Variants in INSL6 observed in about 807,000 individuals in gnomAD.
The protein encoded by INSL6 is insulin-like peptide INSL6.
Under a neutral mutation model 9.4 loss-of-function variants are expected in INSL6, and 16 were observed. That is an observed-to-expected ratio of 1.70 (90% CI 1.15 to 2.59). The LOEUF is 2.59. INSL6 is among the 30% of genes most tolerant of loss of function. The pLI, the probability that INSL6 is intolerant of heterozygous loss-of-function variation, is 0.00. For synonymous variants in INSL6, 154 were observed against 96.9 expected (o/e 1.59, Z -3.46); for missense variants, 391 against 257.3 (o/e 1.52, Z -3.56).
the INSL6 span, among the ~76,000 whole-genome samples, chr9:5,047,182 G>A: frequency 6.6e-6 from 1 of 152,026 alleles, no homozygotes; most frequent in Non-Finnish European, 1.5e-5. Context: ...CTCTAAGATT[G>A]TACTGTTATC....
At chr9:5,084,041 G>T in the INSL6 span, among the ~76,000 whole-genome samples, 2 of 151,918 alleles carry the variant, frequency 1.3e-5, no homozygotes, top group East Asian at 1.9e-4. Flanking sequence ...TTGTAATTTT[G>T]AGTTAATGTT....
the INSL6 span, among the ~76,000 whole-genome samples, chr9:5,049,289 C>A: frequency 6.6e-6 from 1 of 152,172 alleles, no homozygotes. Context: ...AGGATCAGGT[C>A]ATTCAAGGGT....
At chr9:5,035,940 T>G in the INSL6 span, among the ~76,000 whole-genome samples, 1 of 152,192 alleles carries the variant, frequency 6.6e-6, no homozygotes, top group Non-Finnish European at 1.5e-5. Flanking sequence ...GAAGTCAAAT[T>G]GTCCCTGTTT....
At chr9:5,084,023 C>A in the INSL6 span, among the ~76,000 whole-genome samples, 2 of 152,030 alleles carry the variant, frequency 1.3e-5, no homozygotes, top group African/African-American at 4.8e-5. Flanking sequence ...TTACAACATT[C>A]CCCTTTATTG....
the INSL6 span, chr9:5,055,022 C>T: frequency 4.9e-5 from 26 of 532,052 alleles, no homozygotes; most frequent in African/African-American, 4.8e-4. Context: ...TAGCGTGAAC[C>T]TATCAAGGTC....
intron 1 of INSL6, among the ~76,000 whole-genome samples, chr9:5,180,873 G>C (rs545609321): frequency 2.0e-5 from 3 of 151,982 alleles, no homozygotes; most frequent in South Asian, 2.1e-4. Flanking sequence ...ACCCTTATTA[G>C]TAGTTCTGCT....
At chr9:5,023,315 T>C in the INSL6 span, among the ~76,000 whole-genome samples, 2 of 152,212 alleles carry the variant, frequency 1.3e-5, no homozygotes, top group African/African-American at 2.4e-5. Context: ...GTTCCATCCA[T>C]GTTGCTGTGA....
chr9:5,163,170 G>A (rs1240367904), downstream of INSL6, among the ~76,000 whole-genome samples: 1 of 152,158 alleles, frequency 6.6e-6, no homozygotes, highest in Non-Finnish European at 1.5e-5. Flanking sequence ...TTCTGATTCA[G>A]TAGGTTTGAG....
chr9:5,039,009 A>G, the INSL6 span, among the ~76,000 whole-genome samples: 1,283 of 152,230 alleles, frequency 8.4e-3, 9 homozygotes, highest in Non-Finnish European at 0.012. Flanking sequence ...AACTTCCTCA[A>G]TTTGTTAAAG....
chr9:5,086,074 ACAAGT>A, the INSL6 span: 1 of 674,588 alleles, frequency 1.5e-6, no homozygotes, highest in Admixed American at 1.9e-5. Context: ...GGTATCTGAG[ACAAGT>A]CAAGTCCCTT....
the INSL6 span, chr9:5,100,820 C>G: frequency 2.0e-5 from 3 of 152,480 alleles, no homozygotes; most frequent in South Asian, 6.2e-4. Context: ...TATGGCTCAA[C>G]ATTCTTTACA....
At chr9:5,005,473 T>C in the INSL6 span, among the ~76,000 whole-genome samples, 1 of 152,190 alleles carries the variant, frequency 6.6e-6, no homozygotes, top group African/African-American at 2.4e-5. Flanking sequence ...GGTATAATGA[T>C]TGATTTCTAA....
chr9:5,061,567 A>C, the INSL6 span, among the ~76,000 whole-genome samples: 9 of 152,244 alleles, frequency 5.9e-5, no homozygotes, highest in Admixed American at 6.5e-5. Context: ...CAGCCTTCAT[A>C]GAATTTAAGA....
intron 3 of INSL6, among the ~76,000 whole-genome samples, chr9:5,130,416 A>G (rs553562418): frequency 6.6e-6 from 1 of 152,330 alleles, no homozygotes; most frequent in East Asian, 1.9e-4. Context: ...GGTGGTATGG[A>G]AAAATGGTAG....
chr9:5,081,231 T>C, the INSL6 span, among the ~76,000 whole-genome samples: 1 of 150,766 alleles, frequency 6.6e-6, no homozygotes, highest in African/African-American at 2.5e-5. Context: ...AATTTTAGTT[T>C]TCCATTTAGT....
At chr9:5,020,189 T>G in the INSL6 span, among the ~76,000 whole-genome samples, 1 of 152,084 alleles carries the variant, frequency 6.6e-6, no homozygotes, top group Non-Finnish European at 1.5e-5. Flanking sequence ...ATTGGCTGGG[T>G]AGGCAAGTCC....
intron 1 of INSL6, among the ~76,000 whole-genome samples, chr9:5,167,202 T>C (rs1425079911): frequency 1.3e-5 from 2 of 152,208 alleles, no homozygotes; most frequent in Admixed American, 6.5e-5. Context: ...TGAGGGATTG[T>C]GCTACCCCTC....
the INSL6 span, chr9:5,080,427 C>T: frequency 3.2e-6 from 5 of 1,548,394 alleles, no homozygotes; most frequent in East Asian, 9.1e-5. Context: ...TCTGAACTTT[C>T]ATATTTCTTT....
chr9:5,104,845 A>G, the INSL6 span, among the ~76,000 whole-genome samples: 2 of 152,246 alleles, frequency 1.3e-5, no homozygotes, highest in African/African-American at 4.8e-5. Context: ...AAGGTCTTTG[A>G]CAAAATTCTA....
Sources: allele counts gnomAD v4.1 joint callset (sites outside exome capture counted in the v4.1 genomes callset), GRCh38; gene constraint gnomAD v4.1.1; transcripts MANE v1.5; gene names NCBI Gene and HGNC (gene_info 2026-07-23, HGNC 2026-07-21).